CCDC7: variants seen among roughly 807,000 people sequenced by gnomAD.
The protein encoded by CCDC7 is coiled-coil domain containing 7, also known as coiled-coil domain-containing protein 7.
A neutral mutation model predicts 196.9 loss-of-function variants in CCDC7; 183 were observed. That is an observed-to-expected ratio of 0.93 (90% confidence interval 0.82 to 1.05). The LOEUF (loss-of-function observed/expected upper bound fraction) is 1.05. Ranked by LOEUF, CCDC7 falls within the 50% of genes least tolerant of loss-of-function variation. The pLI is 0.00. For missense variants in CCDC7, 1,540 were observed against 1,482.2 expected, an observed-to-expected ratio of 1.04 and a Z score of -0.64; for synonymous variants, 525 against 484.6, an observed-to-expected ratio of 1.08 and a Z score of -1.10.
At chr10:32,499,004 C>T (rs1231217650) in intron 9 of CCDC7, 1 of 151,688 alleles carries the variant, frequency 6.6e-6, no homozygotes, top group Non-Finnish European at 1.5e-5. Context: ...TCAATTCTCC[C>T]TGTCACTTTC....
At chr10:32,750,589 A>G (rs1161078105) in intron 28 of CCDC7, among the ~76,000 whole-genome samples, 1 of 152,086 alleles carries the variant, frequency 6.6e-6, no homozygotes, top group African/African-American at 2.4e-5. Context: ...ACATTCCTTG[A>G]TCTCATTGTA....
At chr10:32,671,409 A>C (rs2074034787) in intron 21 of CCDC7, among the ~76,000 whole-genome samples, 1 of 152,180 alleles carries the variant, frequency 6.6e-6, no homozygotes. Context: ...ATATCATATA[A>C]CTTAGGTGTG....
intron 24 of CCDC7, among the ~76,000 whole-genome samples, chr10:32,708,463 A>T (rs998538328): frequency 1.3e-4 from 20 of 152,288 alleles, no homozygotes; most frequent in South Asian, 6.2e-4. Context: ...AAGCCAAAAT[A>T]GACAAATGGG....
In CCDC7 at chr10:32,656,623, C is replaced by T. The variant is rs186655742; in HGVS notation, c.2015-7431C>T. Among the ~76,000 whole-genome samples, 1,206 of 152,280 alleles carry T rather than the reference C, an allele frequency of 7.9e-3. 17 individuals are homozygous for T. Among genetic ancestry groups the T allele is most frequent in the Admixed American group, 0.018 (278 of 15,296 alleles). On this transcript the variant is annotated intron_variant, in intron 20 of 41. Transcript: ENST00000639629. ...GGTAACTGCCCCCGTGATTCAGTCA[C>T]CTCCCACTGGGTCCCTCCCATGTCA...
At chr10:32,522,544 T>G (rs895413592) in intron 11 of CCDC7, among the ~76,000 whole-genome samples, 5 of 152,148 alleles carry the variant, frequency 3.3e-5, no homozygotes, top group African/African-American at 9.6e-5. Context: ...TTTTATTTAT[T>G]TCAGTCTTTC....
chr10:32,589,791 T>C (rs2059615310), intron 18 of CCDC7, among the ~76,000 whole-genome samples: 1 of 152,200 alleles, frequency 6.6e-6, no homozygotes, highest in African/African-American at 2.4e-5. Context: ...TACCCCTTTA[T>C]CATTACATAA....
chr10:32,780,098 A>G (rs566726156), intron 29 of CCDC7, among the ~76,000 whole-genome samples: 1 of 152,260 alleles, frequency 6.6e-6, no homozygotes, highest in African/African-American at 2.4e-5. Flanking sequence ...TTAGACAGGC[A>G]TGGTGGTACA....
At chr10:32,672,025 C>T (rs970835475) in intron 21 of CCDC7, among the ~76,000 whole-genome samples, 2 of 152,130 alleles carry the variant, frequency 1.3e-5, no homozygotes, top group Non-Finnish European at 2.9e-5. Flanking sequence ...GACTTGTCAG[C>T]TTGCTTGCAT....
chr10:32,668,162 T>C (rs1432985103), intron 21 of CCDC7, among the ~76,000 whole-genome samples: 1 of 152,164 alleles, frequency 6.6e-6, no homozygotes, highest in African/African-American at 2.4e-5. Flanking sequence ...ATAATTTGGC[T>C]CTCTGTTTGT....
At chr10:32,760,358 A>G (rs981213446) in intron 28 of CCDC7, among the ~76,000 whole-genome samples, 153 of 152,178 alleles carry the variant, frequency 1.0e-3, no homozygotes, top group African/African-American at 3.5e-3. Flanking sequence ...ATGTCCAACA[A>G]TGATAGACTG....
Position 32,674,336 on chromosome 10 carries a change from C to T in CCDC7, c.2122+10175C>T, listed in dbSNP as rs553583482. On this transcript the variant is annotated intron_variant, in intron 21 of 41. Coordinates refer to ENST00000639629, the Ensembl canonical transcript of CCDC7. ...TTTCTAATTTCCCTTTTGATTTCTT[C>T]CTTGATCCAGTGGTTGTTCAAAATT... 1.0e-3 allele frequency among the ~76,000 whole-genome samples: 156 copies of T among 151,862 alleles called. 1 individual carries two copies. Among genetic ancestry groups the T allele is most frequent in the Middle Eastern group, 3.4e-3 (1 of 294 alleles).
intron 28 of CCDC7, among the ~76,000 whole-genome samples, chr10:32,761,258 C>G (rs1170004244): frequency 6.6e-6 from 1 of 151,922 alleles, no homozygotes; most frequent in African/African-American, 2.4e-5. Flanking sequence ...TTCTTTTGTT[C>G]TTTTCACCTA....
intron 29 of CCDC7, among the ~76,000 whole-genome samples, chr10:32,796,286 A>T (rs930919706): frequency 4.6e-5 from 7 of 152,230 alleles, no homozygotes; most frequent in African/African-American, 1.7e-4. Context: ...GAAAGGGAGT[A>T]AAGCCAGATT....
intron 10 of CCDC7, 54 bp from the exon 12 acceptor site, chr10:32,518,362 C>A (rs550917587): frequency 1.7e-4 from 255 of 1,495,586 alleles, no homozygotes; most frequent in Non-Finnish European, 2.1e-4. Context: ...TCTGAATAAC[C>A]TTTCTACATT....
intron 16 of CCDC7, among the ~76,000 whole-genome samples, chr10:32,578,494 A>G (rs2058439398): frequency 6.6e-6 from 1 of 151,624 alleles, no homozygotes; most frequent in African/African-American, 2.4e-5. Context: ...AGATGGTCCC[A>G]TCTGGGGGTG....
exon 15 of CCDC7, chr10:32,567,889 C>A: frequency 6.2e-7 from 1 of 1,611,652 alleles, no homozygotes. Flanking sequence ...AGAATATCCA[C>A]AGGTGAGGAA....
intron 31 of CCDC7, among the ~76,000 whole-genome samples, chr10:32,815,329 T>G (rs1324722832): frequency 2.6e-5 from 4 of 152,104 alleles, no homozygotes; most frequent in African/African-American, 9.7e-5. Context: ...ATCAAATAAT[T>G]AAAACATTTC....
intron 18 of CCDC7, among the ~76,000 whole-genome samples, chr10:32,629,255 C>T (rs551899168): frequency 2.0e-5 from 3 of 152,112 alleles, no homozygotes; most frequent in Non-Finnish European, 2.9e-5. Context: ...TAGTATGCTT[C>T]TTTGTCCCTT....
At position 32,587,588 on chromosome 10, in the gene CCDC7, G is replaced by A. The variant is rs527552286; in HGVS notation, c.1801+3284G>A. Among the ~76,000 whole-genome samples the A allele has an allele frequency of 7.9e-5, 12 of 152,276 alleles. No homozygotes were observed. The South Asian group carries it at 2.1e-3, about 26-fold the overall frequency. ...CTAGTATATGAACTTTAGGAGGCACGTTTAAATCAAAGCACACACTGATTT... is the reference window on the plus strand; with the variant it reads ...CTAGTATATGAACTTTAGGAGGCACATTTAAATCAAAGCACACACTGATTT... On this transcript the variant is annotated intron_variant, in intron 18 of 41. Coordinates refer to ENST00000639629, the Ensembl canonical transcript of CCDC7.
Sources: gnomAD v4.1 joint callset for allele counts (sites outside exome capture counted in the v4.1 genomes callset) on GRCh38, gnomAD v4.1.1 for gene constraint, MANE v1.5 for transcripts, NCBI Gene and HGNC (gene_info 2026-07-23, HGNC 2026-07-21) for gene names.